The following RSU1 variants were observed in gnomAD, a reference collection of about 807,000 sequenced individuals.
RSU1 encodes Ras suppressor protein 1.
In RSU1, 26 loss-of-function variants were observed where a neutral mutation model predicts 31.1. The observed-to-expected ratio is 0.84, with a 90% CI of 0.61 to 1.16. RSU1 has a LOEUF of 1.16. Ranked by LOEUF, RSU1 falls within the 50% of genes most tolerant of loss-of-function variation. The probability of loss-of-function intolerance (pLI) is 0.00; values close to 1 mark genes in which losing one functional copy is unlikely to be tolerated. For missense variants in RSU1, 320 were observed against 339.1 expected, an observed-to-expected ratio of 0.94 and a Z score of 0.44; for synonymous variants, 164 against 136.3, an observed-to-expected ratio of 1.20 and a Z score of -1.41.
intron 3 of RSU1, among the ~76,000 whole-genome samples, chr10:16,769,202 A>G (rs1041515485): frequency 1.3e-5 from 2 of 152,236 alleles, no homozygotes; most frequent in Non-Finnish European, 2.9e-5. Flanking sequence ...CTGTTCTATG[A>G]TCTAAAATTA....
At chr10:16,691,084 C>T (rs774491049) in intron 8 of RSU1, among the ~76,000 whole-genome samples, 1 of 151,646 alleles carries the variant, frequency 6.6e-6, no homozygotes, top group African/African-American at 2.4e-5. Context: ...GTGAAATTTG[C>T]TTTTTTAAAA....
rs563652373 is a variant in RSU1, at chr10:16,708,582, T to C, written c.599-13427A>G. Among the ~76,000 whole-genome samples the C allele has an allele frequency of 3.9e-5, 6 of 152,286 alleles. No individual in the cohort carries two copies. The South Asian group carries it at 1.0e-3, about 26-fold the overall frequency. ...ATTTGGGTCCTTTTGTGGTTCCATA[T>C]GAATTTTAGGATTTTTTTTTCTATC... On this transcript the variant is annotated intron_variant, in intron 7 of 8. Coordinates refer to ENST00000345264, the MANE Select transcript of RSU1 (RefSeq NM_012425.4).
At chr10:16,614,550 G>C (rs1833944020) in intron 8 of RSU1, among the ~76,000 whole-genome samples, 1 of 152,108 alleles carries the variant, frequency 6.6e-6, no homozygotes. Context: ...CAAAAGGATA[G>C]ATACCCAATA....
chr10:16,711,002 T>C (rs1836006326), intron 7 of RSU1, among the ~76,000 whole-genome samples: 1 of 152,230 alleles, frequency 6.6e-6, no homozygotes, highest in Non-Finnish European at 1.5e-5. Flanking sequence ...AAAGTCTTTC[T>C]TTTTTATGGC....
chr10:16,621,173 A>G (rs1019914096), intron 8 of RSU1, among the ~76,000 whole-genome samples: 2 of 152,132 alleles, frequency 1.3e-5, no homozygotes, highest in African/African-American at 4.8e-5. Flanking sequence ...TTGGTTGTCA[A>G]TTGTCACACC....
chr10:16,813,082 C>T (rs1838442271), intron 2 of RSU1, among the ~76,000 whole-genome samples: 1 of 151,956 alleles, frequency 6.6e-6, no homozygotes, highest in African/African-American at 2.4e-5. Flanking sequence ...AGCAATCCTC[C>T]CACCGCAGCC....
In RSU1 at chr10:16,667,829, T is replaced by C. The variant is rs116168564; in HGVS notation, c.731+27194A>G. ...ACCTCTACTTTACATATGAACTATA[T>C]TCAATGAGCCTGCCAGATATCAGGT... On this transcript the variant is annotated intron_variant, in intron 8 of 8. Transcript: ENST00000345264. Among the ~76,000 whole-genome samples the C allele has an allele frequency of 7.8e-3, 1,194 of 152,222 alleles. 19 individuals carry two copies. Among genetic ancestry groups the C allele is most frequent in the African/African-American group, 0.027 (1,126 of 41,520 alleles).
intron 2 of RSU1, among the ~76,000 whole-genome samples, chr10:16,804,917 T>C (rs1838234986): frequency 6.6e-6 from 1 of 152,198 alleles, no homozygotes; most frequent in Admixed American, 6.5e-5. Flanking sequence ...TACATTACAT[T>C]AATTTGCCAA....
At chr10:16,798,940 GT>G (rs1838094358) in intron 2 of RSU1, among the ~76,000 whole-genome samples, 1 of 152,104 alleles carries the variant, frequency 6.6e-6, no homozygotes. Flanking sequence ...AAATTTTTAT[GT>G]ACTATCCACA....
At chr10:16,710,045 C>G (rs1271764982) in intron 7 of RSU1, among the ~76,000 whole-genome samples, 1 of 152,128 alleles carries the variant, frequency 6.6e-6, no homozygotes, top group African/African-American at 2.4e-5. Context: ...GCTAGGACTT[C>G]CAGTACTATG....
intron 8 of RSU1, among the ~76,000 whole-genome samples, chr10:16,663,262 C>T (rs73603129): frequency 0.027 from 4,157 of 152,192 alleles, 207 homozygotes; most frequent in African/African-American, 0.094. Context: ...CTCCTGTACA[C>T]CAGGAGGAAG....
intron 7 of RSU1, among the ~76,000 whole-genome samples, chr10:16,721,054 T>C (rs1301658815): frequency 3.3e-5 from 5 of 152,184 alleles, no homozygotes; most frequent in African/African-American, 4.8e-5. Context: ...TTCATCAAAG[T>C]ACATTTTCAT....
intron 5 of RSU1, among the ~76,000 whole-genome samples, chr10:16,753,909 T>C (rs1837030705): frequency 1.3e-5 from 2 of 152,130 alleles, no homozygotes; most frequent in Non-Finnish European, 2.9e-5. Flanking sequence ...AGGCTCATGC[T>C]ACTATGCCTG....
intron 7 of RSU1, among the ~76,000 whole-genome samples, chr10:16,751,882 C>G (rs1452019190): frequency 6.6e-6 from 1 of 152,132 alleles, no homozygotes; most frequent in African/African-American, 2.4e-5. Context: ...GAAGCAGTAA[C>G]AGAATTACTG....
intron 8 of RSU1, among the ~76,000 whole-genome samples, chr10:16,594,059 C>A (rs992992027): frequency 6.6e-6 from 1 of 152,208 alleles, no homozygotes; most frequent in African/African-American, 2.4e-5. Context: ...CATTGCGCAG[C>A]GAAGCTGGCT....
At chr10:16,784,402 A>G (rs1025071763) in intron 2 of RSU1, among the ~76,000 whole-genome samples, 1 of 152,192 alleles carries the variant, frequency 6.6e-6, no homozygotes, top group Non-Finnish European at 1.5e-5. Flanking sequence ...GAGACTGAGT[A>G]ATTTATAAGA....
chr10:16,761,682 CCATCT>C (rs1224033143), intron 4 of RSU1, among the ~76,000 whole-genome samples: 1 of 152,014 alleles, frequency 6.6e-6, no homozygotes, highest in Non-Finnish European at 1.5e-5. Context: ...CCGCAAAATC[CCATCT>C]CTACTAAAAA....
At chr10:16,656,695 C>A (rs1834786830) in intron 8 of RSU1, among the ~76,000 whole-genome samples, 1 of 152,218 alleles carries the variant, frequency 6.6e-6, no homozygotes, top group South Asian at 2.1e-4. Flanking sequence ...ACTAGAAGGT[C>A]TTATCTACCT....
At chr10:16,674,271 C>T (rs1470581513) in intron 8 of RSU1, among the ~76,000 whole-genome samples, 1 of 152,048 alleles carries the variant, frequency 6.6e-6, no homozygotes, top group Non-Finnish European at 1.5e-5. Context: ...TTGGGAAAGG[C>T]TGCAGCCTTG....
Sources: allele counts gnomAD v4.1 joint callset (sites outside exome capture counted in the v4.1 genomes callset), GRCh38; gene constraint gnomAD v4.1.1; transcripts MANE v1.5; gene names NCBI Gene and HGNC (gene_info 2026-07-23, HGNC 2026-07-21).